VAC14: variants seen among roughly 807,000 people sequenced by gnomAD.
VAC14 encodes VAC14 component of PIKFYVE complex, also known as protein VAC14 homolog.
A neutral mutation model predicts 85.3 loss-of-function variants in VAC14; 47 were observed. The observed-to-expected ratio is 0.55, with a 90% CI of 0.44 to 0.70. The LOEUF (loss-of-function observed/expected upper bound fraction) is 0.70. VAC14 is among the 30% of genes least tolerant of loss of function. The pLI is 0.00. For missense variants in VAC14, 861 were observed against 1,004.3 expected (o/e 0.86, Z 1.93); for synonymous variants, 447 against 430.5 (o/e 1.04, Z -0.47).
At chr16:70,736,139 C>T (rs1427484738) in intron 13 of VAC14, among the ~76,000 whole-genome samples, 5 of 152,166 alleles carry the variant, frequency 3.3e-5, no homozygotes, top group African/African-American at 1.2e-4. Flanking sequence ...GCCGTTCCAG[C>T]CTCACAGGGG....
chr16:70,737,395 G>T (rs977517102), intron 13 of VAC14, among the ~76,000 whole-genome samples: 6 of 152,162 alleles, frequency 3.9e-5, no homozygotes, highest in Non-Finnish European at 7.4e-5. Flanking sequence ...GGGAGAGGGG[G>T]GCCCACAACC....
intron 14 of VAC14, among the ~76,000 whole-genome samples, chr16:70,711,809 T>C (rs2054040202): frequency 6.6e-6 from 1 of 152,232 alleles, no homozygotes; most frequent in Non-Finnish European, 1.5e-5. Flanking sequence ...CTAGGCTTTA[T>C]AAGTGCCCAC....
intron 14 of VAC14, among the ~76,000 whole-genome samples, chr16:70,707,471 T>C (rs1423603733): frequency 6.6e-6 from 1 of 152,076 alleles, no homozygotes; most frequent in Non-Finnish European, 1.5e-5. Flanking sequence ...TCTGTCCCTC[T>C]GTGCAAGAGG....
intron 13 of VAC14, among the ~76,000 whole-genome samples, chr16:70,739,946 T>C (rs2030100564): frequency 6.6e-6 from 1 of 152,148 alleles, no homozygotes; most frequent in Non-Finnish European, 1.5e-5. Flanking sequence ...CAAGGTATAC[T>C]GACATGAACA....
At chr16:70,691,448 G>A (rs1026818167) in intron 18 of VAC14, 12 of 985,172 alleles carry the variant, frequency 1.2e-5, no homozygotes, top group African/African-American at 8.7e-5. Flanking sequence ...AGCAAGGCCC[G>A]GTGTGGCTTC....
rs2034772054 is a variant in VAC14, at chr16:70,800,903, T to C, written c.-3A>G. On this transcript the variant is annotated 5_prime_UTR_variant, in exon 1 of 19. Transcript: ENST00000261776. Reference sequence around the variant, plus strand: ...GCGAAATCCTTCTCGGGGTTCATGGTGGCAGCTGGGGGAACCTCGCGACTC... The same window carrying C: ...GCGAAATCCTTCTCGGGGTTCATGGCGGCAGCTGGGGGAACCTCGCGACTC... 5 of 1,583,012 alleles carry C rather than the reference T, an allele frequency of 3.2e-6. No homozygotes were observed. The highest frequency in any genetic ancestry group is 2.6e-6 in the Non-Finnish European group (3 of 1,163,780).
At chr16:70,727,081 C>T (rs1267866794) in intron 14 of VAC14, among the ~76,000 whole-genome samples, 1 of 152,214 alleles carries the variant, frequency 6.6e-6, no homozygotes. Context: ...ACTCCCGATG[C>T]CTCTGTCTTT....
chr16:70,719,800 G>C (rs1042850102), intron 14 of VAC14, among the ~76,000 whole-genome samples: 1 of 151,970 alleles, frequency 6.6e-6, no homozygotes, highest in Non-Finnish European at 1.5e-5. Context: ...AAGCACTTTG[G>C]ACAGTACCTC....
intron 12 of VAC14, chr16:70,747,313 T>A (rs1296331822): frequency 6.6e-6 from 1 of 151,552 alleles, no homozygotes; most frequent in Non-Finnish European, 1.5e-5. Flanking sequence ...GAGGGAGGCA[T>A]GGGGAGTGAC....
rs778605654 is a variant in VAC14 at position 70,731,480 on chromosome 16, G to T, written c.1661+15C>A. On this transcript the variant is annotated intron_variant, in intron 14 of 18. Coordinates refer to ENST00000261776, the MANE Select transcript of VAC14 (RefSeq NM_018052.5). Reference sequence around the variant, plus strand: ...CCGTGGGAGGAAGAGGAGAAAGCGCGCCGCCAAGGCTGACCTGATGATGAA... The same window carrying T: ...CCGTGGGAGGAAGAGGAGAAAGCGCTCCGCCAAGGCTGACCTGATGATGAA... 1.2e-6 allele frequency: 2 copies of T among 1,607,852 alleles called. No individual in the cohort carries two copies. The highest frequency in any genetic ancestry group is 2.2e-5 in the South Asian group (2 of 90,378).
chr16:70,797,800 T>C (rs1384788013), intron 1 of VAC14, among the ~76,000 whole-genome samples: 1 of 152,140 alleles, frequency 6.6e-6, no homozygotes, highest in African/African-American at 2.4e-5. Flanking sequence ...TCTGGTTGTT[T>C]GAAAGTGTGC....
chr16:70,693,157 A>G (rs902105205), intron 17 of VAC14, among the ~76,000 whole-genome samples, 186 bp from the exon 18 acceptor site: 4 of 152,094 alleles, frequency 2.6e-5, no homozygotes, highest in African/African-American at 9.7e-5. Flanking sequence ...GGGCTCCTTC[A>G]CAGCCAGTCG....
At chr16:70,752,000 G>A (rs1454938819) in intron 12 of VAC14, among the ~76,000 whole-genome samples, 2 of 152,190 alleles carry the variant, frequency 1.3e-5, no homozygotes, top group African/African-American at 2.4e-5. Flanking sequence ...GCACTACTTA[G>A]GCCTAGACCC....
chr16:70,737,352 T>G (rs1279508161), intron 13 of VAC14, among the ~76,000 whole-genome samples: 1 of 152,006 alleles, frequency 6.6e-6, no homozygotes, highest in African/African-American at 2.4e-5. Context: ...CAGCCCCCTG[T>G]AGATGGTGGG....
chr16:70,746,736 TGAC>T (rs1419004922), intron 12 of VAC14, among the ~76,000 whole-genome samples: 1 of 152,142 alleles, frequency 6.6e-6, no homozygotes, highest in Non-Finnish European at 1.5e-5. Flanking sequence ...CAGCAATGAA[TGAC>T]GCCGCGGTCC....
chr16:70,710,325 C>G (rs1303749237), intron 14 of VAC14, among the ~76,000 whole-genome samples: 1 of 152,252 alleles, frequency 6.6e-6, no homozygotes, highest in Non-Finnish European at 1.5e-5. Context: ...GCAGAGACAC[C>G]CCTTCACCCT....
chr16:70,730,299 T>C (rs147047090), intron 14 of VAC14, among the ~76,000 whole-genome samples: 2 of 152,164 alleles, frequency 1.3e-5, no homozygotes, highest in East Asian at 3.9e-4. Flanking sequence ...TCCAGTCACG[T>C]TGATCCCCTG....
chr16:70,786,395 A>AATC, intron 1 of VAC14, 30 bp from the exon 2 acceptor site: 1 of 1,607,630 alleles, frequency 6.2e-7, no homozygotes, highest in East Asian at 2.2e-5. Context: ...GGGCTGTGGG[A>AATC]ATCAGGCTAC....
intron 1 of VAC14, 133 bp from the exon 2 acceptor site, chr16:70,786,498 G>A: frequency 8.2e-7 from 1 of 1,221,172 alleles, no homozygotes; most frequent in Non-Finnish European, 1.1e-6. Flanking sequence ...CTCAGGGCAG[G>A]TCTCAGTTCT....
Sources: gnomAD v4.1 joint callset for allele counts (sites outside exome capture counted in the v4.1 genomes callset) on GRCh38, gnomAD v4.1.1 for gene constraint, MANE v1.5 for transcripts, NCBI Gene and HGNC (gene_info 2026-07-23, HGNC 2026-07-21) for gene names.